LRSAM1: variants seen among roughly 807,000 people sequenced by gnomAD.
The protein encoded by LRSAM1 is E3 ubiquitin-protein ligase LRSAM1.
A neutral mutation model predicts 118.1 loss-of-function variants in LRSAM1; 96 were observed. The observed-to-expected ratio is 0.81, with a 90% CI of 0.69 to 0.96. LRSAM1 has a LOEUF of 0.96. LRSAM1 is among the 40% of genes least tolerant of loss of function. The probability of loss-of-function intolerance (pLI) is 0.00; values close to 1 mark genes in which losing one functional copy is unlikely to be tolerated. For synonymous variants in LRSAM1, 322 were observed against 364.2 expected (o/e 0.88, Z 1.32); for missense variants, 804 against 915.5 (o/e 0.88, Z 1.57).
chr9:127,476,977 A>G (rs1835369446), intron 11 of LRSAM1, among the ~76,000 whole-genome samples: 1 of 152,138 alleles, frequency 6.6e-6, no homozygotes, highest in Non-Finnish European at 1.5e-5. Context: ...GCGCCCAGCC[A>G]GAATTGTTTT....
intron 3 of LRSAM1, 108 bp downstream of exon 3, chr9:127,454,707 C>A: frequency 8.6e-7 from 1 of 1,169,520 alleles, no homozygotes; most frequent in Non-Finnish European, 1.3e-6. Flanking sequence ...CATCTGCCTC[C>A]CCCACCCACA....
chr9:127,471,610 A>C (rs1261316453), intron 10 of LRSAM1, among the ~76,000 whole-genome samples: 1 of 151,288 alleles, frequency 6.6e-6, no homozygotes, highest in Non-Finnish European at 1.5e-5. Context: ...AACATGGAGA[A>C]ACGCCATCTT....
intron 6 of LRSAM1, among the ~76,000 whole-genome samples, chr9:127,458,291 A>AGAATGGC (rs1349710538): frequency 6.6e-6 from 1 of 152,040 alleles, no homozygotes; most frequent in Non-Finnish European, 1.5e-5. Flanking sequence ...CTGAGGCAGG[A>AGAATGGC]GAATGGCGTG....
chr9:127,451,534 A>T lies in LRSAM1; in HGVS notation c.-324A>T. ...TGTTGTGGGCAGGCGCCTGAGGCTG[A>T]CGGCTGGCAAGCAGGGCACCGCGGT... On this transcript the variant is annotated 5_prime_UTR_variant, in exon 1 of 26. Coordinates refer to ENST00000300417, the MANE Select transcript of LRSAM1 (RefSeq NM_001005373.4). 1 of 598,820 alleles carries T rather than the reference A, an allele frequency of 1.7e-6. No homozygotes were observed. The highest frequency in any genetic ancestry group is 3.0e-6 in the Non-Finnish European group (1 of 338,292). 37.1% of individuals were successfully genotyped at this position (598,820 alleles called of 1,614,324 possible).
At chr9:127,456,529 T>C (rs983500006) in intron 5 of LRSAM1, among the ~76,000 whole-genome samples, 3 of 151,908 alleles carry the variant, frequency 2.0e-5, no homozygotes, top group East Asian at 1.9e-4. Context: ...CCACGCCCAG[T>C]CTGTGCTGGA....
In LRSAM1 at chr9:127,503,071, C is replaced by A; in HGVS notation, c.*172C>A. Reference sequence around the variant, plus strand: ...AAGCTCCAAGCATGTCTGGGCCAGGCAGAGGTGCTCCTCATCCATGACACC... The same window carrying A: ...AAGCTCCAAGCATGTCTGGGCCAGGAAGAGGTGCTCCTCATCCATGACACC... On this transcript the variant is annotated 3_prime_UTR_variant, in exon 26 of 26. Coordinates refer to ENST00000300417, the MANE Select transcript of LRSAM1 (RefSeq NM_001005373.4). 1 of 845,856 alleles carries A rather than the reference C, an allele frequency of 1.2e-6. No homozygotes were observed. The highest frequency in any genetic ancestry group is 1.8e-6 in the Non-Finnish European group (1 of 542,320). The allele number at this position is 845,856 out of a possible 1,614,324, so 52.4% of individuals were successfully genotyped here.
chr9:127,497,190 G>T, intron 23 of LRSAM1, 63 bp from the exon 24 acceptor site: 1 of 1,548,770 alleles, frequency 6.5e-7, no homozygotes. Context: ...TGTGCCACGT[G>T]GCTCACACCA....
Position 127,501,047 on chromosome 9 carries a change from G to A in LRSAM1, c.1950G>A (p.Thr650=), listed in dbSNP as rs199887448. 9.4e-5 allele frequency: 152 copies of A among 1,613,934 alleles called. No individual in the cohort carries two copies. In the Admixed American group the frequency reaches 1.1e-3, roughly 11 times the overall value. Residue 650 remains threonine (T), a synonymous_variant, in exon 25 of 26, where the codon ACG becomes ACA. Transcript: ENST00000300417. ...KPPMGEVVTP[T]APQEPPESVR... ...CAATGGGTGAGGTCGTCACCCCTAC[G>A]GCCCCCCAGGAGCCTCCTGAGTCTG...
At chr9:127,497,777 C>A (rs1050862127) in intron 24 of LRSAM1, among the ~76,000 whole-genome samples, 38 of 152,300 alleles carry the variant, frequency 2.5e-4, no homozygotes, top group African/African-American at 8.9e-4. Flanking sequence ...TCGTGAGGCC[C>A]GTGGGGAGAA....
chr9:127,456,691 G>A (rs952000918), intron 5 of LRSAM1, among the ~76,000 whole-genome samples: 4 of 151,800 alleles, frequency 2.6e-5, no homozygotes, highest in Non-Finnish European at 4.4e-5. Flanking sequence ...GGTGAAACCC[G>A]GTCTCTACCA....
intron 5 of LRSAM1, 91 bp downstream of exon 5, chr9:127,455,711 T>A: frequency 8.4e-7 from 1 of 1,188,068 alleles, no homozygotes; most frequent in Non-Finnish European, 1.3e-6. Context: ...CTTCCCGGCG[T>A]AGACACCTCC....
chr9:127,451,696 C>G (rs1183051452), intron 1 of LRSAM1, 27 bp downstream of exon 1: 3 of 280,952 alleles, frequency 1.1e-5, no homozygotes, highest in African/African-American at 6.4e-5. Flanking sequence ...TCCCCGTCAC[C>G]CAATCCCAGA....
At chr9:127,479,567 T>G in intron 13 of LRSAM1, 62 bp downstream of exon 13, 3 of 1,606,602 alleles carry the variant, frequency 1.9e-6, no homozygotes, top group Non-Finnish European at 2.5e-6. Context: ...GCCTCCTGGC[T>G]TGGGCCAAGG....
At chr9:127,497,703 G>C (rs567241861) in intron 24 of LRSAM1, among the ~76,000 whole-genome samples, 3 of 152,332 alleles carry the variant, frequency 2.0e-5, no homozygotes, top group African/African-American at 7.2e-5. Context: ...CCAATGCTGG[G>C]CCTGAGGCAT....
Position 127,465,148 on chromosome 9 carries a change from C to T in LRSAM1, c.529-2592C>T, listed in dbSNP as rs1834883529. ...TGTTTGGCTATGAGGAGACCACAGC[C>T]CCAGGACACTAAGGGGCCTGATTAA... is the stretch of plus-strand genomic sequence containing the variant. On this transcript the variant is annotated intron_variant, in intron 9 of 25. Transcript: ENST00000300417. The surrounding 1 kb of genome is among the most constrained non-coding windows in gnomAD (Gnocchi z 4.1). Among the ~76,000 whole-genome samples, 1 of 152,114 alleles carries T rather than the reference C, an allele frequency of 6.6e-6. No homozygotes were observed. Among genetic ancestry groups the T allele is most frequent in the Non-Finnish European group, 1.5e-5 (1 of 68,020 alleles).
intron 10 of LRSAM1, among the ~76,000 whole-genome samples, chr9:127,473,245 G>A (rs981635586): frequency 6.6e-6 from 1 of 152,154 alleles, no homozygotes; most frequent in Non-Finnish European, 1.5e-5. Flanking sequence ...ACCCCGGAAG[G>A]ACACCATCAT....
At chr9:127,464,734 C>G (rs1366033755) in intron 9 of LRSAM1, among the ~76,000 whole-genome samples, 1 of 151,766 alleles carries the variant, frequency 6.6e-6, no homozygotes, top group African/African-American at 2.4e-5. Flanking sequence ...GCCTCAAACT[C>G]CTGGGCTCAA....
At chr9:127,498,464 A>G (rs1836240819) in intron 24 of LRSAM1, among the ~76,000 whole-genome samples, 1 of 152,094 alleles carries the variant, frequency 6.6e-6, no homozygotes, top group Non-Finnish European at 1.5e-5. Context: ...GGTGCCCTTC[A>G]CCCTGAGTGG....
chr9:127,498,813 C>A (rs1262527143), intron 24 of LRSAM1, among the ~76,000 whole-genome samples: 1 of 152,040 alleles, frequency 6.6e-6, no homozygotes, highest in African/African-American at 2.4e-5. Flanking sequence ...AATCCCAGCA[C>A]TTTGGGAGGC....
Sources: allele counts gnomAD v4.1 joint callset (sites outside exome capture counted in the v4.1 genomes callset), GRCh38; gene constraint gnomAD v4.1.1; non-coding constraint Gnocchi (gnomAD v3.1); transcripts MANE v1.5; gene names NCBI Gene and HGNC (gene_info 2026-07-23, HGNC 2026-07-21).